ZMYM1: variants seen among roughly 807,000 people sequenced by gnomAD.
The protein encoded by ZMYM1 is zinc finger MYM-type protein 1.
A neutral mutation model predicts 60.0 loss-of-function variants in ZMYM1; 39 were observed. The observed-to-expected ratio is 0.65, with a 90% CI of 0.50 to 0.85. The LOEUF (loss-of-function observed/expected upper bound fraction) is 0.85, where lower values mean the gene tolerates loss of function less well. Ranked by LOEUF, ZMYM1 falls within the 40% of genes least tolerant of loss-of-function variation. The pLI is 0.00. For missense variants in ZMYM1, 1,171 were observed against 1,309.5 expected (o/e 0.89, Z 1.63); for synonymous variants, 413 against 454.0 (o/e 0.91, Z 1.15).
upstream of ZMYM1, among the ~76,000 whole-genome samples, chr1:35,076,807 C>T (rs575264189): frequency 2.4e-4 from 36 of 151,874 alleles, no homozygotes; most frequent in African/African-American, 7.7e-4. Flanking sequence ...TGGGGCACTC[C>T]GGTAGTCCCA....
Position 35,064,542 on chromosome 1 carries a change from A to G in ZMYM1, c.-301+4617A>G, listed in dbSNP as rs145429187. Among the ~76,000 whole-genome samples the G allele has an allele frequency of 7.9e-5, 12 of 152,146 alleles. No individual in the cohort carries two copies. In the South Asian group the frequency reaches 2.1e-3, roughly 26 times the overall value. ...TGAGGAACATTTACCGAAATAGACA[A>G]TATCCTGGGTTATAAAACCATAACA... On this transcript the variant is annotated intron_variant, in intron 1 of 10. Transcript: ENST00000417119.
intron 4 of ZMYM1, among the ~76,000 whole-genome samples, chr1:35,103,612 T>C (rs1643768186): frequency 6.6e-6 from 1 of 152,238 alleles, no homozygotes; most frequent in Non-Finnish European, 1.5e-5. Context: ...AGTGCTGTTA[T>C]GAATATGCAC....
chr1:35,104,387 A>G lies in ZMYM1; in HGVS notation c.512A>G (p.Tyr171Cys). 1 of 1,613,420 alleles carries G rather than the reference A, an allele frequency of 6.2e-7. No homozygotes were observed. ...TGCAGCCTATCTTGTCTTTCATCAT[A>G]TGAAGAAAAAAGAAAACCATTTGTT... ...TFCSLSCLSS[Y>C]EEKRKPFVTI... Residue 171 changes from tyrosine (Y) to cysteine (C), a missense_variant, in exon 5 of 10, where the codon TAT becomes TGT. Tyr to Cys is a radical substitution (Grantham distance 194, BLOSUM62 -2). Transcript: ENST00000359858.
At chr1:35,078,499 A>C (rs116530701), upstream of ZMYM1, among the ~76,000 whole-genome samples, 2,422 of 133,448 alleles carry the variant, frequency 0.018, 79 homozygotes, top group African/African-American at 0.064. Flanking sequence ...CATTTAAAAT[A>C]TGCCATTATT....
intron 7 of ZMYM1, among the ~76,000 whole-genome samples, chr1:35,111,203 T>A (rs1644074399): frequency 6.6e-6 from 1 of 152,166 alleles, no homozygotes; most frequent in South Asian, 2.1e-4. Flanking sequence ...TAAGACTCAA[T>A]AATAAAAAAG....
rs907998196 is a variant in ZMYM1 at position 35,115,322 on chromosome 1, A to G, written c.*63A>G. ...TCCATTGGGATGTTTTCATTTCAAA[A>G]TTGTTCAAAATTCAAAAGACACAGA... On this transcript the variant is annotated 3_prime_UTR_variant, in exon 10 of 10. Transcript: ENST00000359858. The G allele has an allele frequency of 1.1e-5, 16 of 1,478,912 alleles. No homozygotes were observed. The highest frequency in any genetic ancestry group is 1.4e-5 in the African/African-American group (1 of 71,098). The allele number at this position is 1,478,912 out of a possible 1,614,324, so 91.6% of individuals were successfully genotyped here. A position where few individuals can be genotyped will look rare whatever the true frequency, so the allele number is the denominator to read the frequency against.
rs1455206297 is a variant in ZMYM1 at position 35,097,574 on chromosome 1, A to G, written c.419+8A>G. 1.2e-6 allele frequency: 2 copies of G among 1,613,764 alleles called. No individual in the cohort carries two copies. Among genetic ancestry groups the G allele is most frequent in the Non-Finnish European group, 1.7e-6 (2 of 1,179,660 alleles). On this transcript the variant is annotated splice_region_variant and intron_variant, in intron 4 of 9. Coordinates refer to ENST00000359858, the MANE Select transcript of ZMYM1 (RefSeq NM_024772.5). ...TTGTTCAAACTGCTCAAAGTATATA[A>G]TTCTAAATTATGCCCCCTTTTATTT...
intron 1 of ZMYM1, among the ~76,000 whole-genome samples, chr1:35,085,018 G>A (rs1642580740): frequency 6.6e-6 from 1 of 151,858 alleles, no homozygotes; most frequent in Non-Finnish European, 1.5e-5. Flanking sequence ...ACTCTGTTAT[G>A]CCTGGATTTA....
chr1:35,067,365 G>A (rs1329264889), intron 1 of ZMYM1, among the ~76,000 whole-genome samples: 2 of 151,996 alleles, frequency 1.3e-5, no homozygotes, highest in Non-Finnish European at 2.9e-5. Context: ...ACAGCTCACT[G>A]CAACCTCTAA....
Position 35,113,553 on chromosome 1 carries a change from G to T in ZMYM1, c.1723G>T (p.Asp575Tyr). 5 of 1,613,258 alleles carry T rather than the reference G, an allele frequency of 3.1e-6. No homozygotes were observed. In the South Asian group the frequency reaches 4.4e-5, roughly 14 times the overall value. ...GKQCLPLRGN[D>Y]QSVSSVNKGN... is the part of the protein sequence containing the mutation. ...GCAGTGTTTACCCTTAAGAGGAAAC[G>T]ACCAGTCAGTTTCATCTGTGAATAA... The change falls in exon 10 of 10, where the codon GAC becomes TAC. Residue 575 changes from aspartate to tyrosine, a missense_variant. Transcript: ENST00000359858.
chr1:35,092,450 A>G (rs1227432199), intron 1 of ZMYM1, among the ~76,000 whole-genome samples: 1 of 148,676 alleles, frequency 6.7e-6, no homozygotes, highest in African/African-American at 2.5e-5. Flanking sequence ...CTTGTTTGCC[A>G]GGCTAGTCTC....
intron 1 of ZMYM1, among the ~76,000 whole-genome samples, chr1:35,082,384 G>A (rs1642431986): frequency 6.6e-6 from 1 of 151,302 alleles, no homozygotes; most frequent in Non-Finnish European, 1.5e-5. Context: ...AGGCTGGAGT[G>A]CAGTGGCATG....
intron 1 of ZMYM1, among the ~76,000 whole-genome samples, chr1:35,088,400 AGAGT>A (rs1642775473): frequency 6.7e-6 from 1 of 149,170 alleles, no homozygotes; most frequent in African/African-American, 2.5e-5. Context: ...CATGGGCAAC[AGAGT>A]GAGACTCCAT....
chr1:35,114,714 C>A lies in ZMYM1; in HGVS notation c.2884C>A (p.Gln962Lys). 3.2e-6 allele frequency: 5 copies of A among 1,574,270 alleles called. No homozygotes were observed. The highest frequency in any genetic ancestry group is 4.3e-6 in the Non-Finnish European group (5 of 1,162,226). The change falls in exon 10 of 10, where the codon CAA (glutamine) becomes AAA (lysine). Residue 962 changes from glutamine (Q) to lysine (K), a missense_variant. Coordinates refer to ENST00000359858, the MANE Select transcript of ZMYM1 (RefSeq NM_024772.5). ...NMFFPTSTEEQYKINIYYQGL... is the reference protein window; with the variant it reads ...NMFFPTSTEEKYKINIYYQGL... ...GTTTTTTCCTACTTCAACAGAAGAA[C>A]AATATAAAATTAATATCTATTACCA... is the stretch of plus-strand genomic sequence containing the variant.
chr1:35,073,836 C>G (rs1374232517), intron 1 of ZMYM1, among the ~76,000 whole-genome samples: 1 of 152,098 alleles, frequency 6.6e-6, no homozygotes, highest in African/African-American at 2.4e-5. Context: ...CGCTCTGTCC[C>G]CCAGCCTGGA....
At chr1:35,101,291 T>G (rs1279464704) in intron 4 of ZMYM1, among the ~76,000 whole-genome samples, 2 of 151,160 alleles carry the variant, frequency 1.3e-5, no homozygotes, top group African/African-American at 2.4e-5. Context: ...GTATTTTTAG[T>G]AGAGATGGGG....
At chr1:35,112,229 G>C in intron 9 of ZMYM1, 99 bp downstream of exon 9, 1 of 1,200,098 alleles carries the variant, frequency 8.3e-7, no homozygotes, top group East Asian at 2.4e-5. Flanking sequence ...CCAAGCTGGA[G>C]TGCAGTGGCG....
downstream of ZMYM1, among the ~76,000 whole-genome samples, chr1:35,116,083 A>T (rs7551953): frequency 0.12 from 18,078 of 150,662 alleles, 1,450 homozygotes; most frequent in Non-Finnish European, 0.17. Flanking sequence ...TTTTTTTTTT[A>T]AATTAGTGAA....
intron 1 of ZMYM1, among the ~76,000 whole-genome samples, chr1:35,088,711 T>C (rs1642820120): frequency 6.6e-6 from 1 of 151,222 alleles, no homozygotes; most frequent in Non-Finnish European, 1.5e-5. Context: ...AAGGAAGTAA[T>C]GGATCTGTCA....
Sources: gnomAD v4.1 joint callset for allele counts (sites outside exome capture counted in the v4.1 genomes callset) on GRCh38, gnomAD v4.1.1 for gene constraint, MANE v1.5 for transcripts, NCBI Gene and HGNC (gene_info 2026-07-23, HGNC 2026-07-21) for gene names.